The following NBAS variants were observed in gnomAD, a reference collection of about 807,000 sequenced individuals.
NBAS encodes NAG/BC035112 fusion.
NBAS carries 219 observed loss-of-function variants against 302.5 expected under a neutral mutation model. That is an observed-to-expected ratio of 0.72 (90% CI 0.65 to 0.81). The LOEUF is 0.81. Ranked by LOEUF, NBAS falls within the 30% of genes least tolerant of loss-of-function variation. The probability of loss-of-function intolerance (pLI) is 0.00; values close to 1 mark genes in which losing one functional copy is unlikely to be tolerated. For missense variants in NBAS, 2,932 were observed against 2,841.6 expected (o/e 1.03, Z -0.72); for synonymous variants, 1,118 against 1,021.6 (o/e 1.09, Z -1.80).
chr2:15,461,880 C>T, intron 19 of NBAS, 89 bp from the exon 20 acceptor site: 2 of 748,500 alleles, frequency 2.7e-6, no homozygotes, highest in Non-Finnish European at 4.6e-6. Flanking sequence ...ACAACTCTGC[C>T]TGCCTAAATA....
intron 51 of NBAS, among the ~76,000 whole-genome samples, chr2:15,168,217 G>A (rs111509690): frequency 0.012 from 1,885 of 152,244 alleles, 45 homozygotes; most frequent in Admixed American, 0.06. Context: ...TAATAATTTG[G>A]ATTGTAGGAC....
intron 48 of NBAS, among the ~76,000 whole-genome samples, chr2:15,194,892 C>T (rs1665544326): frequency 6.6e-6 from 1 of 151,906 alleles, no homozygotes; most frequent in African/African-American, 2.4e-5. Flanking sequence ...ATAACAGAGA[C>T]ATAAATTGGA....
chr2:14,980,796 T>C, the NBAS span, among the ~76,000 whole-genome samples: 1 of 152,146 alleles, frequency 6.6e-6, no homozygotes, highest in African/African-American at 2.4e-5. Context: ...AAAATATAAT[T>C]AATATCTTCA....
At chr2:14,959,099 G>A in the NBAS span, among the ~76,000 whole-genome samples, 2 of 152,160 alleles carry the variant, frequency 1.3e-5, no homozygotes, top group East Asian at 1.9e-4. Context: ...GACTCAAGAC[G>A]CCTGTGTTTG....
At chr2:15,049,381 G>A in the NBAS span, among the ~76,000 whole-genome samples, 12 of 152,296 alleles carry the variant, frequency 7.9e-5, no homozygotes, top group African/African-American at 2.9e-4. Context: ...CTGGGGCCTT[G>A]CCTTCTGGGC....
At chr2:15,062,397 G>C in the NBAS span, among the ~76,000 whole-genome samples, 4 of 152,316 alleles carry the variant, frequency 2.6e-5, no homozygotes, top group East Asian at 7.7e-4. Flanking sequence ...ATTTATACTA[G>C]AGGAAGGATA....
At chr2:14,793,916 T>C in the NBAS span, among the ~76,000 whole-genome samples, 1 of 151,994 alleles carries the variant, frequency 6.6e-6, no homozygotes, top group Non-Finnish European at 1.5e-5. Context: ...ACGAGTACCG[T>C]GAAAAAAAAT....
the NBAS span, among the ~76,000 whole-genome samples, chr2:15,028,459 G>T: frequency 6.6e-6 from 1 of 152,170 alleles, no homozygotes; most frequent in East Asian, 1.9e-4. Flanking sequence ...ATCTGATAAA[G>T]CTAGGGCATT....
intron 9 of NBAS, among the ~76,000 whole-genome samples, chr2:15,521,500 A>C (rs536293287): frequency 2.0e-4 from 30 of 152,324 alleles, no homozygotes; most frequent in African/African-American, 7.2e-4. Flanking sequence ...AAAAGCTGAA[A>C]ATAGAGCTGT....
the NBAS span, among the ~76,000 whole-genome samples, chr2:14,859,235 A>G: frequency 6.6e-6 from 1 of 152,066 alleles, no homozygotes; most frequent in Non-Finnish European, 1.5e-5. Context: ...GGAAAAATTA[A>G]TATTGTCAAA....
chr2:15,402,754 A>C (rs1001787617), intron 25 of NBAS, among the ~76,000 whole-genome samples: 2 of 152,194 alleles, frequency 1.3e-5, no homozygotes, highest in African/African-American at 4.8e-5. Context: ...CAGAGTGCTG[A>C]CATTCTATTC....
intron 9 of NBAS, among the ~76,000 whole-genome samples, chr2:15,530,588 T>C (rs967559544): frequency 6.6e-6 from 1 of 152,100 alleles, no homozygotes; most frequent in East Asian, 1.9e-4. Flanking sequence ...AATAAGTACA[T>C]GTATTTATAC....
chr2:15,218,717 C>T (rs544525726), intron 48 of NBAS, 56 bp downstream of exon 48: 79 of 1,610,714 alleles, frequency 4.9e-5, no homozygotes, highest in African/African-American at 2.9e-4. Context: ...CGTGAGCAAC[C>T]GCGTCCGGCC....
At chr2:14,906,091 AAGCAGC>A in the NBAS span, among the ~76,000 whole-genome samples, 6 of 151,974 alleles carry the variant, frequency 3.9e-5, no homozygotes, top group South Asian at 2.1e-4. Flanking sequence ...CAGCAGTGGT[AAGCAGC>A]AGCAGCAGCA....
chr2:14,996,572 T>C, the NBAS span, among the ~76,000 whole-genome samples: 1 of 152,212 alleles, frequency 6.6e-6, no homozygotes, highest in East Asian at 1.9e-4. Context: ...ATAATTGCTC[T>C]GGGCTGTCGG....
At chr2:14,824,599 C>A in the NBAS span, among the ~76,000 whole-genome samples, 1 of 152,032 alleles carries the variant, frequency 6.6e-6, no homozygotes, top group Non-Finnish European at 1.5e-5. Context: ...ATTCTCAGGC[C>A]CACTCCAGAC....
At chr2:15,376,672 TG>T (rs1159430484) in intron 30 of NBAS, among the ~76,000 whole-genome samples, 1 of 152,152 alleles carries the variant, frequency 6.6e-6, no homozygotes, top group Non-Finnish European at 1.5e-5. Context: ...ATTAGTCATC[TG>T]GGGGAAAATG....
At chr2:14,827,976 TA>T in the NBAS span, among the ~76,000 whole-genome samples, 1 of 152,184 alleles carries the variant, frequency 6.6e-6, no homozygotes, top group African/African-American at 2.4e-5. Context: ...GAAATTTTTT[TA>T]AAAAATAAAC....
At chr2:15,207,691 A>T (rs796085872) in intron 48 of NBAS, among the ~76,000 whole-genome samples, 1 of 152,096 alleles carries the variant, frequency 6.6e-6, no homozygotes, top group Non-Finnish European at 1.5e-5. Context: ...TGGTTGTTTG[A>T]TAAGTGTCTG....
Sources: allele counts gnomAD v4.1 joint callset (sites outside exome capture counted in the v4.1 genomes callset), GRCh38; gene constraint gnomAD v4.1.1; transcripts MANE v1.5; gene names NCBI Gene and HGNC (gene_info 2026-07-23, HGNC 2026-07-21).